Variants in ACYP2 observed in about 807,000 individuals in gnomAD.
ACYP2 encodes the protein acylphosphatase 2.
ACYP2 carries 12 observed loss-of-function variants against 11.2 expected under a neutral mutation model. That is an observed-to-expected ratio of 1.08 (90% CI 0.69 to 1.74). ACYP2 has a LOEUF of 1.74. ACYP2 is among the 40% of genes most tolerant of loss of function. The pLI is 0.00. For missense variants in ACYP2, 134 were observed against 101.9 expected (o/e 1.31, Z -1.35); for synonymous variants, 43 against 32.2 (o/e 1.33, Z -1.13).
At chr2:54,184,468 A>G (rs370227616) in intron 6 of ACYP2, among the ~76,000 whole-genome samples, 3 of 152,188 alleles carry the variant, frequency 2.0e-5, no homozygotes, top group East Asian at 3.9e-4. Context: ...TTCCAGTTAT[A>G]TAAACCAGTA....
intron 6 of ACYP2, among the ~76,000 whole-genome samples, chr2:54,195,918 C>T (rs1684459011): frequency 6.7e-6 from 1 of 149,196 alleles, no homozygotes; most frequent in East Asian, 2.0e-4. Flanking sequence ...CTGCCTCAGC[C>T]TCCTGAGTAG....
At chr2:54,171,124 G>A (rs1683203688) in intron 6 of ACYP2, among the ~76,000 whole-genome samples, 1 of 152,122 alleles carries the variant, frequency 6.6e-6, no homozygotes, top group Admixed American at 6.6e-5. Flanking sequence ...GGTTAACCTT[G>A]TACATCCCCC....
intron 6 of ACYP2, among the ~76,000 whole-genome samples, chr2:54,198,992 T>C (rs997002726): frequency 1.3e-5 from 2 of 152,168 alleles, no homozygotes; most frequent in African/African-American, 4.8e-5. Flanking sequence ...CCTTTCCTTC[T>C]CTCGTCATTT....
intron 6 of ACYP2, among the ~76,000 whole-genome samples, chr2:54,162,226 C>T (rs2103831211): frequency 6.6e-6 from 1 of 152,288 alleles, no homozygotes; most frequent in East Asian, 1.9e-4. Flanking sequence ...ATGGACCTCC[C>T]TTTATGAATA....
At chr2:54,142,006 T>C (rs1302551647) in intron 6 of ACYP2, 2 of 451,182 alleles carry the variant, frequency 4.4e-6, no homozygotes, top group African/African-American at 4.1e-5. Context: ...TGTGTGTGTG[T>C]GTGTGTATAT....
At chr2:54,280,414 GAGGTTC>G (rs1389707339) in intron 6 of ACYP2, among the ~76,000 whole-genome samples, 1 of 152,138 alleles carries the variant, frequency 6.6e-6, no homozygotes, top group East Asian at 1.9e-4. Context: ...TACAAGCGGG[GAGGTTC>G]AGTAGTCAAT....
chr2:54,182,270 G>C (rs1683776326), intron 6 of ACYP2, among the ~76,000 whole-genome samples: 1 of 151,854 alleles, frequency 6.6e-6, no homozygotes, highest in Non-Finnish European at 1.5e-5. Context: ...ATGTTGGCCA[G>C]GCTGGTCTCA....
chr2:53,997,386 A>G (rs1672620824), intron 2 of ACYP2, among the ~76,000 whole-genome samples: 1 of 151,846 alleles, frequency 6.6e-6, no homozygotes, highest in South Asian at 2.1e-4. Flanking sequence ...GCTCACTACA[A>G]CCTCTGCCTT....
rs141468252 is a variant in ACYP2, at chr2:54,134,169, C to T, written c.278-1284C>T. 9.3e-4 allele frequency among the ~76,000 whole-genome samples: 142 copies of T among 152,230 alleles called. 1 individual carries two copies. The highest frequency in any genetic ancestry group is 3.3e-3 in the African/African-American group (139 of 41,538). ...CAGAGCTAGGGACAGTGGCTCATGCCTGGAGTCCTAGCTACTCAGGAGGCG... is the reference window on the plus strand; with the variant it reads ...CAGAGCTAGGGACAGTGGCTCATGCTTGGAGTCCTAGCTACTCAGGAGGCG... On this transcript the variant is annotated intron_variant, in intron 4 of 6. Coordinates refer to ENST00000607452, the MANE Select transcript of ACYP2 (RefSeq NM_001320586.2).
At chr2:54,212,692 G>A (rs1685376258) in intron 6 of ACYP2, among the ~76,000 whole-genome samples, 1 of 152,166 alleles carries the variant, frequency 6.6e-6, no homozygotes, top group African/African-American at 2.4e-5. Context: ...TCACCCATGT[G>A]GTCAGCAGAT....
chr2:54,168,137 T>G (rs900986665), intron 6 of ACYP2, among the ~76,000 whole-genome samples: 5 of 152,168 alleles, frequency 3.3e-5, no homozygotes, highest in African/African-American at 1.2e-4. Context: ...AAATCTGCTG[T>G]GTCCAGGCCA....
At chr2:54,123,493 C>A (rs1310926040) in intron 4 of ACYP2, 5 of 398,350 alleles carry the variant, frequency 1.3e-5, no homozygotes, top group East Asian at 7.1e-5. Flanking sequence ...ATATAATTTA[C>A]ATAACACTAA....
intron 3 of ACYP2, among the ~76,000 whole-genome samples, chr2:54,054,945 T>A (rs1385231797): frequency 6.6e-6 from 1 of 152,256 alleles, no homozygotes; most frequent in Non-Finnish European, 1.5e-5. Context: ...GACTAGAAGT[T>A]GTATTTTAAT....
intron 4 of ACYP2, among the ~76,000 whole-genome samples, chr2:54,095,019 C>A (rs1678442823): frequency 6.7e-6 from 1 of 149,132 alleles, no homozygotes; most frequent in African/African-American, 2.4e-5. Context: ...TTTTCCTAGG[C>A]AGAGGACCCT....
Position 54,203,088 on chromosome 2 carries a change from C to T in ACYP2, c.404+64340C>T, listed in dbSNP as rs568247052. 3.3e-5 allele frequency among the ~76,000 whole-genome samples: 5 copies of T among 152,114 alleles called. No homozygotes were observed. The South Asian group carries it at 8.3e-4, about 25-fold the overall frequency. ...TGCTATCTTAACAGTATTAAGTCTT[C>T]CACTTCATAAGCTTGGGATTGTCTT... is the stretch of plus-strand genomic sequence containing the variant. On this transcript the variant is annotated intron_variant, in intron 6 of 6. Transcript: ENST00000607452.
At position 54,107,384 on chromosome 2, in the gene ACYP2, G is replaced by C. The variant is rs143217746; in HGVS notation, c.278-28069G>C. 1.2e-4 allele frequency among the ~76,000 whole-genome samples: 18 copies of C among 150,874 alleles called. No homozygotes were observed. The East Asian group carries it at 2.1e-3, about 18-fold the overall frequency. On this transcript the variant is annotated intron_variant, in intron 4 of 6. Transcript: ENST00000607452. The stretch of plus-strand genomic sequence containing the variant: ...TTGGTTTTGTTACTATTCTTAGCTT[G>C]TTTTTTTTTGTTACAATCTTTATTT...
chr2:54,108,397 G>T (rs1293871736), intron 4 of ACYP2, among the ~76,000 whole-genome samples: 1 of 152,198 alleles, frequency 6.6e-6, no homozygotes, highest in Non-Finnish European at 1.5e-5. Flanking sequence ...AGACACGAAG[G>T]CCCTTGTTGT....
At chr2:54,080,711 C>T (rs1373879003) in intron 4 of ACYP2, among the ~76,000 whole-genome samples, 1 of 152,058 alleles carries the variant, frequency 6.6e-6, no homozygotes, top group African/African-American at 2.4e-5. Flanking sequence ...CTGGTCTCAA[C>T]TCCTGACCTC....
chr2:53,999,219 T>G (rs1390914565), intron 2 of ACYP2, among the ~76,000 whole-genome samples: 1 of 152,130 alleles, frequency 6.6e-6, no homozygotes, highest in Admixed American at 6.5e-5. Flanking sequence ...GTAACTTGGA[T>G]CGCAAAACCT....
Sources: allele counts gnomAD v4.1 joint callset (sites outside exome capture counted in the v4.1 genomes callset), GRCh38; gene constraint gnomAD v4.1.1; transcripts MANE v1.5; gene names NCBI Gene and HGNC (gene_info 2026-07-23, HGNC 2026-07-21).